The following TNFRSF21 variants were observed in gnomAD, a reference collection of about 807,000 sequenced individuals.
TNFRSF21 encodes TNF receptor superfamily member 21.
TNFRSF21 carries 19 observed loss-of-function variants against 45.6 expected under a neutral mutation model. The observed-to-expected ratio is 0.42, with a 90% CI of 0.29 to 0.61. The LOEUF is 0.61. Ranked by LOEUF, TNFRSF21 falls within the 20% of genes least tolerant of loss-of-function variation. The probability of loss-of-function intolerance (pLI) is 0.23; values close to 1 mark genes in which losing one functional copy is unlikely to be tolerated. For missense variants in TNFRSF21, 737 were observed against 851.5 expected, an observed-to-expected ratio of 0.87 and a Z score of 1.67; for synonymous variants, 314 against 335.5, an observed-to-expected ratio of 0.94 and a Z score of 0.70.
intron 1 of TNFRSF21, among the ~76,000 whole-genome samples, chr6:47,290,252 GATGA>G (rs1471758867): frequency 6.6e-6 from 1 of 152,148 alleles, no homozygotes; most frequent in Non-Finnish European, 1.5e-5. Context: ...GGTGGTCGGC[GATGA>G]ATATCACTCT....
chr6:47,291,637 G>T (rs189616534), intron 1 of TNFRSF21, among the ~76,000 whole-genome samples: 1 of 152,368 alleles, frequency 6.6e-6, no homozygotes, highest in East Asian at 1.9e-4. Context: ...ACCAGGGAGG[G>T]ATGGGAGGTA....
At chr6:47,305,318 A>G (rs1048848887) in intron 1 of TNFRSF21, among the ~76,000 whole-genome samples, 1 of 152,242 alleles carries the variant, frequency 6.6e-6, no homozygotes, top group African/African-American at 2.4e-5. Flanking sequence ...ATTTGTAAAC[A>G]TGAAAAAGCA....
chr6:47,278,820 C>T (rs889636701), intron 3 of TNFRSF21, among the ~76,000 whole-genome samples: 17 of 152,200 alleles, frequency 1.1e-4, no homozygotes, highest in Non-Finnish European at 1.8e-4. Context: ...CAACTGATTT[C>T]GTAATCCCTG....
chr6:47,247,740 C>T (rs992255617), intron 4 of TNFRSF21, among the ~76,000 whole-genome samples: 7 of 152,248 alleles, frequency 4.6e-5, no homozygotes, highest in South Asian at 4.2e-4. Context: ...CATCCAGGAT[C>T]CAACACAGAG....
chr6:47,278,831 T>A lies in TNFRSF21; in HGVS notation c.1243+5107A>T, dbSNP rs146057181. ...GCCCCAACTGATTTCGTAATCCCTG[T>A]TGCAGTTGATTTAAAGGAGATGCTG... On this transcript the variant is annotated intron_variant, in intron 3 of 5. Transcript: ENST00000296861. Among the ~76,000 whole-genome samples, 286 of 152,346 alleles carry A rather than the reference T, an allele frequency of 1.9e-3. 1 individual carries two copies. Among genetic ancestry groups the A allele is most frequent in the African/African-American group, 6.6e-3 (275 of 41,584 alleles).
intron 4 of TNFRSF21, among the ~76,000 whole-genome samples, chr6:47,243,541 C>G (rs1042221356): frequency 2.6e-5 from 4 of 152,088 alleles, no homozygotes; most frequent in African/African-American, 9.7e-5. Flanking sequence ...CCTTAGCCTC[C>G]TGACTAGCTG....
chr6:47,258,864 T>C (rs914754458), intron 3 of TNFRSF21, among the ~76,000 whole-genome samples: 17 of 152,224 alleles, frequency 1.1e-4, no homozygotes, highest in Non-Finnish European at 1.6e-4. Flanking sequence ...ATACAGTCTC[T>C]GTCATGACTC....
At chr6:47,293,202 C>A (rs1762751447) in intron 1 of TNFRSF21, among the ~76,000 whole-genome samples, 2 of 152,162 alleles carry the variant, frequency 1.3e-5, no homozygotes, top group African/African-American at 4.8e-5. Flanking sequence ...CTTATCTTCC[C>A]ATAATGATTA....
chr6:47,266,806 C>A (rs1423971003), intron 3 of TNFRSF21, among the ~76,000 whole-genome samples: 1 of 152,208 alleles, frequency 6.6e-6, no homozygotes, highest in Non-Finnish European at 1.5e-5. Context: ...AATCCAAGAC[C>A]TTTATCATTA....
chr6:47,232,723 C>A lies in TNFRSF21; in HGVS notation c.*42G>T, dbSNP rs772675547. On this transcript the variant is annotated 3_prime_UTR_variant, in exon 6 of 6. Coordinates refer to ENST00000296861, the MANE Select transcript of TNFRSF21 (RefSeq NM_014452.5). ...AGAAGAAAATTAAAAAACCACCCTG[C>A]CACTAAATTGAGTAATTTCCAGAAT... 1.3e-6 allele frequency: 2 copies of A among 1,579,758 alleles called. No homozygotes were observed. Among genetic ancestry groups the A allele is most frequent in the Non-Finnish European group, 1.7e-6 (2 of 1,154,024 alleles).
intron 4 of TNFRSF21, among the ~76,000 whole-genome samples, chr6:47,239,011 G>A (rs1202164921): frequency 6.6e-6 from 1 of 152,142 alleles, no homozygotes; most frequent in Admixed American, 6.5e-5. Context: ...CTGAGGCTGG[G>A]CGCAGTGGCT....
At chr6:47,246,653 G>T (rs1194266902) in intron 4 of TNFRSF21, among the ~76,000 whole-genome samples, 1 of 152,154 alleles carries the variant, frequency 6.6e-6, no homozygotes, top group East Asian at 1.9e-4. Flanking sequence ...TAAAAAGCTT[G>T]CTACTGAGCA....
intron 3 of TNFRSF21, among the ~76,000 whole-genome samples, chr6:47,270,404 G>A (rs1762397987): frequency 6.6e-6 from 1 of 152,152 alleles, no homozygotes; most frequent in African/African-American, 2.4e-5. Flanking sequence ...AAATCCAACA[G>A]ACCTGCAGCT....
In TNFRSF21 at chr6:47,263,401, G is replaced by C. The variant is rs143414009; in HGVS notation, c.1244-9880C>G. Among the ~76,000 whole-genome samples, 78 of 152,302 alleles carry C rather than the reference G, an allele frequency of 5.1e-4. 1 individual carries two copies. Among genetic ancestry groups the C allele is most frequent in the African/African-American group, 1.8e-3 (75 of 41,546 alleles). On this transcript the variant is annotated intron_variant, in intron 3 of 5. Coordinates refer to ENST00000296861, the MANE Select transcript of TNFRSF21 (RefSeq NM_014452.5). ...TGCACTTGGGAATTACCAGCAGATAGATGGTATTTAAAGTCGTGGGTCACC... is the reference window on the plus strand; with the variant it reads ...TGCACTTGGGAATTACCAGCAGATACATGGTATTTAAAGTCGTGGGTCACC...
chr6:47,260,041 G>A (rs1765049645), intron 3 of TNFRSF21, among the ~76,000 whole-genome samples: 1 of 152,108 alleles, frequency 6.6e-6, no homozygotes, highest in Non-Finnish European at 1.5e-5. Flanking sequence ...AGACTCCTAG[G>A]GTGGCATATC....
intron 1 of TNFRSF21, among the ~76,000 whole-genome samples, chr6:47,290,360 A>C (rs1762708246): frequency 6.6e-6 from 1 of 152,226 alleles, no homozygotes; most frequent in African/African-American, 2.4e-5. Context: ...GTGGCTCTGC[A>C]GAATGAGCAC....
intron 1 of TNFRSF21, among the ~76,000 whole-genome samples, chr6:47,294,731 A>G (rs988786255): frequency 3.3e-5 from 5 of 151,694 alleles, no homozygotes; most frequent in African/African-American, 4.8e-5. Flanking sequence ...GGTTCTCACT[A>G]TGTTGCCCAG....
At chr6:47,278,813 C>T (rs1050876657) in intron 3 of TNFRSF21, among the ~76,000 whole-genome samples, 1 of 152,196 alleles carries the variant, frequency 6.6e-6, no homozygotes, top group Non-Finnish European at 1.5e-5. Context: ...CCTGCCCCAA[C>T]TGATTTCGTA....
intron 4 of TNFRSF21, among the ~76,000 whole-genome samples, chr6:47,249,214 T>C (rs1764866102): frequency 6.6e-6 from 1 of 152,234 alleles, no homozygotes; most frequent in South Asian, 2.1e-4. Context: ...GCTTCCTTGA[T>C]GGCATTGACT....
Sources: gnomAD v4.1 joint callset for allele counts (sites outside exome capture counted in the v4.1 genomes callset) on GRCh38, gnomAD v4.1.1 for gene constraint, MANE v1.5 for transcripts, NCBI Gene and HGNC (gene_info 2026-07-23, HGNC 2026-07-21) for gene names.